TBC1D22A: variants seen among roughly 807,000 people sequenced by gnomAD.
The protein encoded by TBC1D22A is putative GTPase activator.
TBC1D22A carries 38 observed loss-of-function variants against 60.2 expected under a neutral mutation model. That is an observed-to-expected ratio of 0.63 (90% CI 0.49 to 0.83). The LOEUF (loss-of-function observed/expected upper bound fraction) is 0.83. Ranked by LOEUF, TBC1D22A falls within the 40% of genes least tolerant of loss-of-function variation. TBC1D22A has a pLI of 0.00. For synonymous variants in TBC1D22A, 302 were observed against 281.7 expected (o/e 1.07, Z -0.72); for missense variants, 628 against 701.0 (o/e 0.90, Z 1.18).
At chr22:46,949,355 A>G (rs1292290738) in intron 8 of TBC1D22A, among the ~76,000 whole-genome samples, 1 of 152,192 alleles carries the variant, frequency 6.6e-6, no homozygotes, top group African/African-American at 2.4e-5. Context: ...AGGGAAACCT[A>G]TGCCAGAGAA....
chr22:46,807,571 T>C (rs547165128), intron 4 of TBC1D22A, among the ~76,000 whole-genome samples: 2 of 152,318 alleles, frequency 1.3e-5, no homozygotes, highest in African/African-American at 2.4e-5. Flanking sequence ...TGACCAGTGT[T>C]TATCCAGCCT....
chr22:46,842,393 G>C (rs941890773), intron 4 of TBC1D22A, among the ~76,000 whole-genome samples: 1 of 152,174 alleles, frequency 6.6e-6, no homozygotes, highest in Non-Finnish European at 1.5e-5. Context: ...TGAAAGACTT[G>C]TCATGGCCAT....
intron 7 of TBC1D22A, among the ~76,000 whole-genome samples, chr22:46,904,969 T>C (rs372220021): frequency 5.3e-5 from 8 of 151,366 alleles, no homozygotes; most frequent in African/African-American, 1.9e-4. Context: ...AGAGACGGGG[T>C]TTCACCGTGT....
intron 4 of TBC1D22A, among the ~76,000 whole-genome samples, chr22:46,829,753 C>G (rs2147146913): frequency 6.6e-6 from 1 of 152,328 alleles, no homozygotes; most frequent in African/African-American, 2.4e-5. Context: ...TTAGTTGCCT[C>G]CATGGATTTC....
At chr22:47,036,418 C>T (rs1475080657) in intron 10 of TBC1D22A, among the ~76,000 whole-genome samples, 2 of 152,102 alleles carry the variant, frequency 1.3e-5, no homozygotes, top group South Asian at 2.1e-4. Flanking sequence ...GCAAAGCTGC[C>T]GCCCACCACA....
At chr22:46,805,621 A>G (rs2085093357) in intron 4 of TBC1D22A, among the ~76,000 whole-genome samples, 1 of 152,010 alleles carries the variant, frequency 6.6e-6, no homozygotes, top group African/African-American at 2.4e-5. Flanking sequence ...CCACATGGCC[A>G]CTCCTGGTGG....
intron 10 of TBC1D22A, among the ~76,000 whole-genome samples, chr22:47,023,094 T>C (rs2062144107): frequency 6.6e-6 from 1 of 152,086 alleles, no homozygotes; most frequent in Non-Finnish European, 1.5e-5. Flanking sequence ...TTAGGCAGAG[T>C]CATTAAAGCA....
intron 11 of TBC1D22A, among the ~76,000 whole-genome samples, chr22:47,042,430 G>GGA (rs10603078): frequency 6.6e-6 from 1 of 151,528 alleles, no homozygotes; most frequent in African/African-American, 2.4e-5. Flanking sequence ...GGAAGAGAGA[G>GGA]GAGAGAGAGA....
intron 10 of TBC1D22A, among the ~76,000 whole-genome samples, chr22:47,023,220 A>G (rs911536712): frequency 9.9e-5 from 15 of 152,260 alleles, no homozygotes; most frequent in Admixed American, 9.2e-4. Context: ...AGGAAAGACC[A>G]TGTCTTAAAT....
At chr22:47,103,714 T>G (rs2065508361) in intron 11 of TBC1D22A, among the ~76,000 whole-genome samples, 1 of 152,176 alleles carries the variant, frequency 6.6e-6, no homozygotes, top group Admixed American at 6.5e-5. Flanking sequence ...AACACAAACA[T>G]GTAACATTTT....
At chr22:46,816,461 C>A (rs1165013571) in intron 4 of TBC1D22A, among the ~76,000 whole-genome samples, 2 of 152,164 alleles carry the variant, frequency 1.3e-5, no homozygotes, top group Non-Finnish European at 2.9e-5. Flanking sequence ...GTTATTCTTT[C>A]CAATAAGATT....
intron 4 of TBC1D22A, among the ~76,000 whole-genome samples, chr22:46,839,951 A>G (rs1446991331): frequency 6.6e-6 from 1 of 152,234 alleles, no homozygotes; most frequent in Non-Finnish European, 1.5e-5. Flanking sequence ...TCAACTTAAA[A>G]TGGATTAAAT....
At chr22:47,098,514 C>T (rs1216319783) in intron 11 of TBC1D22A, among the ~76,000 whole-genome samples, 1 of 152,228 alleles carries the variant, frequency 6.6e-6, no homozygotes, top group Non-Finnish European at 1.5e-5. Flanking sequence ...TGCTCCCCAA[C>T]CCCATGCACC....
At chr22:47,101,291 G>A (rs1276511111) in intron 11 of TBC1D22A, among the ~76,000 whole-genome samples, 1 of 152,246 alleles carries the variant, frequency 6.6e-6, no homozygotes, top group African/African-American at 2.4e-5. Flanking sequence ...GCAGTGTGAG[G>A]AAGACTGGAA....
chr22:46,865,327 T>C lies in TBC1D22A; in HGVS notation c.638-13326T>C, dbSNP rs918894099. Among the ~76,000 whole-genome samples the C allele has an allele frequency of 3.5e-4, 54 of 152,236 alleles. 1 individual carries two copies. Among genetic ancestry groups the C allele is most frequent in the Admixed American group, 2.8e-3 (43 of 15,288 alleles). ...GCTTCTGTTTGTGCTGCTTCCTCTC[T>C]AGCTGCAGTGTCCTTGACATATACC... On this transcript the variant is annotated intron_variant, in intron 4 of 12. Coordinates refer to ENST00000337137, the MANE Select transcript of TBC1D22A (RefSeq NM_014346.5).
At chr22:46,947,528 T>C (rs1427497596) in intron 8 of TBC1D22A, among the ~76,000 whole-genome samples, 1 of 152,132 alleles carries the variant, frequency 6.6e-6, no homozygotes, top group Non-Finnish European at 1.5e-5. Flanking sequence ...GGTCTATAGC[T>C]GCCCCCTCCA....
At chr22:47,098,035 T>A (rs1448645366) in intron 11 of TBC1D22A, among the ~76,000 whole-genome samples, 1 of 151,796 alleles carries the variant, frequency 6.6e-6, no homozygotes, top group Non-Finnish European at 1.5e-5. Flanking sequence ...GCTGCTTTAT[T>A]AGATACAATT....
At chr22:46,995,871 T>C (rs2075106763) in intron 9 of TBC1D22A, among the ~76,000 whole-genome samples, 1 of 152,158 alleles carries the variant, frequency 6.6e-6, no homozygotes, top group Non-Finnish European at 1.5e-5. Context: ...TCTGGTTTAC[T>C]TCTCACCCTT....
intron 5 of TBC1D22A, among the ~76,000 whole-genome samples, chr22:46,886,911 G>A (rs1243704966): frequency 6.6e-6 from 1 of 152,196 alleles, no homozygotes; most frequent in Non-Finnish European, 1.5e-5. Flanking sequence ...ACAAATAGGT[G>A]GTGGGCCGTA....
Sources: allele counts gnomAD v4.1 joint callset (sites outside exome capture counted in the v4.1 genomes callset), GRCh38; gene constraint gnomAD v4.1.1; transcripts MANE v1.5; gene names NCBI Gene and HGNC (gene_info 2026-07-23, HGNC 2026-07-21).